Variants in PSORS1C1 observed in about 807,000 individuals in gnomAD.
The protein encoded by PSORS1C1 is psoriasis susceptibility 1 candidate gene 1 protein.
In PSORS1C1, 7 loss-of-function variants were observed where a neutral mutation model predicts 9.4. The ratio of observed to expected loss-of-function variants is 0.75; its 90% CI spans 0.42 to 1.40. The LOEUF is 1.40. Ranked by LOEUF, PSORS1C1 falls within the 40% of genes most tolerant of loss-of-function variation. The pLI, the probability that PSORS1C1 is intolerant of heterozygous loss-of-function variation, is 0.01. For synonymous variants in PSORS1C1, 63 were observed against 69.4 expected (o/e 0.91, Z 0.46); for missense variants, 146 against 178.1 (o/e 0.82, Z 1.02).
At chr6:31,116,312 A>T (rs761926882) in intron 1 of PSORS1C1, 29 of 1,613,656 alleles carry the variant, frequency 1.8e-5, no homozygotes. Flanking sequence ...TGGGAACTGG[A>T]GCTGCTGCTG....
At chr6:31,138,158 G>A (rs771769515) in intron 3 of PSORS1C1, 4 of 1,601,028 alleles carry the variant, frequency 2.5e-6, no homozygotes, top group African/African-American at 2.7e-5. Context: ...GACGACTGGG[G>A]CGGGTAGGCG....
chr6:31,122,955 T>C (rs1355687129), intron 1 of PSORS1C1, among the ~76,000 whole-genome samples: 1 of 151,824 alleles, frequency 6.6e-6, no homozygotes, highest in Non-Finnish European at 1.5e-5. Flanking sequence ...CGTCCCAGGG[T>C]GTGAGGGGAG....
At chr6:31,123,297 G>A (rs3132543) in intron 1 of PSORS1C1, among the ~76,000 whole-genome samples, 71,044 of 151,870 alleles carry the variant, frequency 0.47, 18,025 homozygotes, top group African/African-American at 0.68. Context: ...CTAATCCGCC[G>A]TGCTTTTGGT....
chr6:31,138,988 A>G, intron 5 of PSORS1C1: 3 of 1,614,048 alleles, frequency 1.9e-6, no homozygotes, highest in Non-Finnish European at 2.5e-6. Context: ...TGTGCAGGCA[A>G]AGGACCAGGA....
chr6:31,136,873 G>A (rs1367237610), intron 3 of PSORS1C1, among the ~76,000 whole-genome samples: 3 of 152,184 alleles, frequency 2.0e-5, no homozygotes, highest in African/African-American at 7.2e-5. Context: ...AGTGTTGGCC[G>A]GGCACGGTGG....
intron 2 of PSORS1C1, among the ~76,000 whole-genome samples, chr6:31,126,371 C>G (rs1772678414): frequency 6.6e-6 from 1 of 152,166 alleles, no homozygotes; most frequent in African/African-American, 2.4e-5. Flanking sequence ...TAAAAAAACC[C>G]TAGGGGGTTC....
rs1287147619 is a variant in PSORS1C1, at chr6:31,139,263, C to T, written c.168-378C>T. Reference sequence around the variant, plus strand: ...AGCTGCCTGCTCTCCCTATCATGACCCAGAGCCTGCGTCACCCCACCCTGG... The same window carrying T: ...AGCTGCCTGCTCTCCCTATCATGACTCAGAGCCTGCGTCACCCCACCCTGG... On this transcript the variant is annotated intron_variant, in intron 5 of 5. Transcript: ENST00000259881. The surrounding 1 kb of genome is among the most constrained non-coding windows in gnomAD (Gnocchi z 5.2). 1.7e-6 allele frequency: 1 copy of T among 585,410 alleles called. No individual in the cohort carries two copies. Among genetic ancestry groups the T allele is most frequent in the African/African-American group, 1.9e-5 (1 of 53,620 alleles). The allele number at this position is 585,410 out of a possible 1,614,324, so 36.3% of individuals were successfully genotyped here.
At chr6:31,134,802 A>T (rs949496209) in intron 3 of PSORS1C1, among the ~76,000 whole-genome samples, 10 of 152,072 alleles carry the variant, frequency 6.6e-5, no homozygotes, top group African/African-American at 2.4e-4. Flanking sequence ...AGGATTTTGA[A>T]AAACTATGTC....
rs1302528561 is a variant in PSORS1C1, at chr6:31,115,721, A to C, written c.-229+830A>C. ...GGGTGTTACTCAATGGACCATTTCC[A>C]CACAGTAGAGGGAATTGTAAGGGGT... On this transcript the variant is annotated intron_variant, in intron 1 of 5. Transcript: ENST00000259881. This position sits in a 1 kb window ranked among gnomAD's most constrained non-coding sequence, Gnocchi z 4.2. 14 of 462,256 alleles carry C rather than the reference A, an allele frequency of 3.0e-5. No individual in the cohort carries two copies. The highest frequency in any genetic ancestry group is 5.0e-5 in the Non-Finnish European group (13 of 260,182). 28.6% of individuals were successfully genotyped at this position (462,256 alleles called of 1,614,324 possible).
chr6:31,124,451 A>G (rs1259327016), intron 1 of PSORS1C1, among the ~76,000 whole-genome samples: 1 of 152,206 alleles, frequency 6.6e-6, no homozygotes, highest in Non-Finnish European at 1.5e-5. Context: ...CTAAGTTGAA[A>G]TTATTTGTCC....
chr6:31,136,248 G>A (rs1174376766), intron 3 of PSORS1C1, among the ~76,000 whole-genome samples: 1 of 151,910 alleles, frequency 6.6e-6, no homozygotes, highest in Non-Finnish European at 1.5e-5. Flanking sequence ...TTATCTGGGT[G>A]TGGTGGCACA....
chr6:31,130,796 C>T (rs1772879238), intron 3 of PSORS1C1, among the ~76,000 whole-genome samples: 1 of 152,130 alleles, frequency 6.6e-6, no homozygotes, highest in South Asian at 2.1e-4. Flanking sequence ...GATCCTCCTG[C>T]CTTGGCCTCC....
chr6:31,121,843 A>G (rs9468870), intron 1 of PSORS1C1, among the ~76,000 whole-genome samples: 3,864 of 152,346 alleles, frequency 0.025, 126 homozygotes, highest in African/African-American at 0.075. Flanking sequence ...GGCCACATGG[A>G]GCAAGTTTAA....
Position 31,139,370 on chromosome 6 carries a change from C to G in PSORS1C1, c.168-271C>G. On this transcript the variant is annotated intron_variant, in intron 5 of 5. Transcript: ENST00000259881. The surrounding 1 kb of genome is among the most constrained non-coding windows in gnomAD (Gnocchi z 5.2). Reference sequence around the variant, plus strand: ...AATCACAGAGATGTCCACCTTCATCCCTTGCAACTATTGGAAGCCAAAGAA... The same window carrying G: ...AATCACAGAGATGTCCACCTTCATCGCTTGCAACTATTGGAAGCCAAAGAA... 1 of 591,184 alleles carries G rather than the reference C, an allele frequency of 1.7e-6. No individual in the cohort carries two copies. Among genetic ancestry groups the G allele is most frequent in the Non-Finnish European group, 3.0e-6 (1 of 331,696 alleles). 36.6% of individuals were successfully genotyped at this position (591,184 alleles called of 1,614,324 possible).
chr6:31,137,316 G>A (rs1443449805), intron 3 of PSORS1C1, among the ~76,000 whole-genome samples: 1 of 151,630 alleles, frequency 6.6e-6, no homozygotes, highest in African/African-American at 2.4e-5. Flanking sequence ...AATTAGCCTG[G>A]CGTGGTGGCG....
At chr6:31,117,192 C>G (rs993254791) in intron 1 of PSORS1C1, 2 of 1,613,220 alleles carry the variant, frequency 1.2e-6, no homozygotes, top group African/African-American at 1.3e-5. Flanking sequence ...CGCTGTTTCC[C>G]GAGTGAGAGC....
intron 3 of PSORS1C1, among the ~76,000 whole-genome samples, chr6:31,137,162 A>G (rs1323805577): frequency 6.9e-6 from 1 of 145,544 alleles, no homozygotes; most frequent in Non-Finnish European, 1.5e-5. Context: ...AAAAGAAAGA[A>G]AAAGAAGAAA....
Position 31,139,968 on chromosome 6 carries a change from G to A in PSORS1C1, c.*36G>A, listed in dbSNP as rs777678683. 6.4e-7 allele frequency: 1 copy of A among 1,570,700 alleles called. No individual in the cohort carries two copies. The highest frequency in any genetic ancestry group is 8.7e-7 in the Non-Finnish European group (1 of 1,146,690). Reference sequence around the variant, plus strand: ...GAGACCCCTAGAACGTTTCCCTCAAGGACCTTTCTGCCTGGAAGTCTGTTA... The same window carrying A: ...GAGACCCCTAGAACGTTTCCCTCAAAGACCTTTCTGCCTGGAAGTCTGTTA... On this transcript the variant is annotated 3_prime_UTR_variant, in exon 6 of 6. Transcript: ENST00000259881. This position sits in a 1 kb window ranked among gnomAD's most constrained non-coding sequence, Gnocchi z 5.2.
chr6:31,131,193 G>A (rs1772896735), intron 3 of PSORS1C1, among the ~76,000 whole-genome samples: 1 of 152,058 alleles, frequency 6.6e-6, no homozygotes, highest in Non-Finnish European at 1.5e-5. Context: ...TCTACTCTTT[G>A]TTAATTGGGC....
Sources: allele counts gnomAD v4.1 joint callset (sites outside exome capture counted in the v4.1 genomes callset), GRCh38; gene constraint gnomAD v4.1.1; non-coding constraint Gnocchi (gnomAD v3.1); transcripts MANE v1.5; gene names NCBI Gene and HGNC (gene_info 2026-07-23, HGNC 2026-07-21).